The following XIRP2 variants were observed in gnomAD, a reference collection of about 807,000 sequenced individuals.
The protein encoded by XIRP2 is xin actin binding repeat containing 2, also known as xin actin-binding repeat-containing protein 2.
A neutral mutation model predicts 277.0 loss-of-function variants in XIRP2; 236 were observed. The observed-to-expected ratio is 0.85, with a 90% confidence interval of 0.77 to 0.95. The LOEUF is 0.95. Ranked by LOEUF, XIRP2 falls within the 40% of genes least tolerant of loss-of-function variation. The pLI, the probability that XIRP2 is intolerant of heterozygous loss-of-function variation, is 0.00. For synonymous variants in XIRP2, 1,490 were observed against 1,416.5 expected (o/e 1.05, Z -1.17); for missense variants, 4,640 against 4,157.5 (o/e 1.12, Z -3.19).
chr2:166,954,238 C>A (rs1433233877), intron 2 of XIRP2, among the ~76,000 whole-genome samples: 1 of 151,862 alleles, frequency 6.6e-6, no homozygotes, highest in African/African-American at 2.4e-5. Flanking sequence ...CTGCTACTAT[C>A]AACTATAAAT....
chr2:167,139,896 T>G (rs75861135), intron 3 of XIRP2, among the ~76,000 whole-genome samples: 1 of 152,142 alleles, frequency 6.6e-6, no homozygotes. Context: ...TAAGTAATGT[T>G]CATGTAAATC....
chr2:166,998,800 A>G (rs1478734173), intron 2 of XIRP2, among the ~76,000 whole-genome samples: 3 of 152,188 alleles, frequency 2.0e-5, no homozygotes, highest in Non-Finnish European at 4.4e-5. Flanking sequence ...GCTTCTTCAC[A>G]TGCCTTATAA....
intron 2 of XIRP2, among the ~76,000 whole-genome samples, chr2:166,983,401 G>T (rs1231656521): frequency 6.6e-6 from 1 of 152,044 alleles, no homozygotes. Flanking sequence ...AGTTTTAATA[G>T]TTGCTTTAGA....
At chr2:166,942,075 C>T (rs1181308390) in intron 2 of XIRP2, among the ~76,000 whole-genome samples, 1 of 152,140 alleles carries the variant, frequency 6.6e-6, no homozygotes, top group Non-Finnish European at 1.5e-5. Flanking sequence ...TAAGCACTAC[C>T]ATCCTCACCT....
chr2:166,903,598 A>G lies in XIRP2; in HGVS notation c.116A>G (p.Gln39Arg), dbSNP rs1398381706. ...AGCCATTGTACAATTTTCCAGCCTCAGGAAAGCAAATTGCTTGCGCCTGAA... is the reference window on the plus strand; with the variant it reads ...AGCCATTGTACAATTTTCCAGCCTCGGGAAAGCAAATTGCTTGCGCCTGAA... ...RDSHCTIFQP[Q>R]ESKLLAPEGE... The change falls in exon 2 of 11, where the codon CAG becomes CGG. Residue 39 changes from glutamine (Q) to arginine (R), a missense_variant. Gln to Arg is a conservative substitution (Grantham distance 43). Transcript: ENST00000409195. 1.2e-6 allele frequency: 2 copies of G among 1,613,560 alleles called. No individual in the cohort carries two copies. The highest frequency in any genetic ancestry group is 1.7e-6 in the Non-Finnish European group (2 of 1,179,782).
At chr2:167,210,011 C>G (rs932315748) in intron 3 of XIRP2, among the ~76,000 whole-genome samples, 30 of 152,134 alleles carry the variant, frequency 2.0e-4, no homozygotes, top group African/African-American at 7.0e-4. Context: ...TCCTACCCTG[C>G]CTTTTTGCCA....
At chr2:167,071,544 A>G (rs1689438062) in intron 2 of XIRP2, among the ~76,000 whole-genome samples, 1 of 152,188 alleles carries the variant, frequency 6.6e-6, no homozygotes, top group African/African-American at 2.4e-5. Flanking sequence ...GGTTGGTCTC[A>G]TGTGAATGCT....
chr2:166,957,116 G>T (rs1010359625), intron 2 of XIRP2, among the ~76,000 whole-genome samples: 1 of 151,460 alleles, frequency 6.6e-6, no homozygotes, highest in Admixed American at 6.6e-5. Flanking sequence ...TTTTCATTTT[G>T]TTTCCATGTT....
At chr2:166,922,916 A>G (rs957742043) in intron 2 of XIRP2, among the ~76,000 whole-genome samples, 2 of 151,090 alleles carry the variant, frequency 1.3e-5, no homozygotes, top group African/African-American at 2.4e-5. Context: ...TGAAACTTTC[A>G]TAGACATGCT....
intron 5 of XIRP2, among the ~76,000 whole-genome samples, chr2:167,222,785 A>C (rs1694470945): frequency 6.6e-6 from 1 of 152,174 alleles, no homozygotes; most frequent in Non-Finnish European, 1.5e-5. Context: ...TAAAATTGCC[A>C]TTGCCTCTCT....
chr2:167,121,130 A>ATCT (rs1319722367), intron 2 of XIRP2, among the ~76,000 whole-genome samples: 3 of 152,184 alleles, frequency 2.0e-5, no homozygotes, highest in African/African-American at 4.8e-5. Context: ...TAGGTCTGAT[A>ATCT]TCTTCCAACC....
rs187441525 is a variant in XIRP2 at position 166,938,233 on chromosome 2, G to A, written c.408+34343G>A. ...TCCTGCTTTCTCTTGTGGGCATTTA[G>A]TGCTGTAAATTTCCCTCTACACACT... On this transcript the variant is annotated intron_variant, in intron 2 of 10. Transcript: ENST00000409195. Among the ~76,000 whole-genome samples, 300 of 152,274 alleles carry A rather than the reference G, an allele frequency of 2.0e-3. 1 individual carries two copies. Among genetic ancestry groups the A allele is most frequent in the African/African-American group, 6.8e-3 (284 of 41,544 alleles).
chr2:167,201,838 G>A (rs1448696303), intron 3 of XIRP2, among the ~76,000 whole-genome samples: 1 of 152,100 alleles, frequency 6.6e-6, no homozygotes, highest in African/African-American at 2.4e-5. Context: ...AAATAAAAAT[G>A]TTATATTTTA....
chr2:167,252,076 C>T (rs1483516569), intron 9 of XIRP2, 129 bp downstream of exon 9: 1 of 1,370,504 alleles, frequency 7.3e-7, no homozygotes, highest in African/African-American at 1.5e-5. Flanking sequence ...CTAACAGCTT[C>T]CCATGTATGC....
intron 3 of XIRP2, among the ~76,000 whole-genome samples, chr2:167,156,390 A>G (rs560740483): frequency 6.6e-6 from 1 of 152,310 alleles, no homozygotes; most frequent in South Asian, 2.1e-4. Flanking sequence ...ATCACACTGC[A>G]TAACACTCAA....
chr2:167,071,409 G>A (rs1157556066), intron 2 of XIRP2, among the ~76,000 whole-genome samples: 1 of 152,162 alleles, frequency 6.6e-6, no homozygotes, highest in Non-Finnish European at 1.5e-5. Context: ...AGCCTAAGAT[G>A]TATATACTAT....
chr2:167,056,573 C>A (rs1173408518), intron 2 of XIRP2, among the ~76,000 whole-genome samples: 1 of 152,146 alleles, frequency 6.6e-6, no homozygotes, highest in African/African-American at 2.4e-5. Flanking sequence ...AGCTCAGTCT[C>A]CACTCCTAAT....
intron 2 of XIRP2, among the ~76,000 whole-genome samples, chr2:167,077,236 A>G (rs1361133217): frequency 2.0e-5 from 3 of 152,170 alleles, no homozygotes; most frequent in Non-Finnish European, 2.9e-5. Flanking sequence ...TGGTGACATG[A>G]ATGGGTATTC....
chr2:166,985,494 G>A (rs977613845), intron 2 of XIRP2, among the ~76,000 whole-genome samples: 5 of 150,890 alleles, frequency 3.3e-5, no homozygotes, highest in East Asian at 1.9e-4. Flanking sequence ...GCAGTGGTAC[G>A]ATCTCCGCTC....
Sources: gnomAD v4.1 joint callset for allele counts (sites outside exome capture counted in the v4.1 genomes callset) on GRCh38, gnomAD v4.1.1 for gene constraint, MANE v1.5 for transcripts, NCBI Gene and HGNC (gene_info 2026-07-23, HGNC 2026-07-21) for gene names.